Variants in CNTNAP5 observed in about 807,000 individuals in gnomAD.
CNTNAP5 encodes contactin-associated protein-like 5.
A neutral mutation model predicts 150.2 loss-of-function variants in CNTNAP5; 72 were observed. The ratio of observed to expected loss-of-function variants is 0.48; its 90% CI spans 0.40 to 0.58. The LOEUF is 0.58. CNTNAP5 is among the 20% of genes least tolerant of loss of function. The pLI is 0.00. For missense variants in CNTNAP5, 1,636 were observed against 1,626.2 expected, an observed-to-expected ratio of 1.01 and a Z score of -0.10; for synonymous variants, 672 against 619.8, an observed-to-expected ratio of 1.08 and a Z score of -1.25.
chr2:124,488,411 G>A (rs893727132), intron 7 of CNTNAP5, among the ~76,000 whole-genome samples: 3 of 152,106 alleles, frequency 2.0e-5, no homozygotes, highest in African/African-American at 7.2e-5. Flanking sequence ...ATGAGGTTCG[G>A]TAACATTAAA....
chr2:124,420,198 C>T (rs891266648), intron 4 of CNTNAP5, among the ~76,000 whole-genome samples: 2 of 151,562 alleles, frequency 1.3e-5, no homozygotes. Context: ...ACCATGTTGG[C>T]CAGGCTGGTC....
rs138701421 is a variant in CNTNAP5 at position 124,543,844 on chromosome 2, A to G, written c.1649+16388A>G. On this transcript the variant is annotated intron_variant, in intron 10 of 23. Transcript: ENST00000682447. ...TTTAATAAAAAGGAATATAGAAGAT[A>G]TATATTTTTTCTCCTTTGATGTTTT... Among the ~76,000 whole-genome samples, 919 of 152,200 alleles carry G rather than the reference A, an allele frequency of 6.0e-3. 1 individual carries two copies. Among genetic ancestry groups the G allele is most frequent in the Middle Eastern group, 0.027 (8 of 294 alleles).
In CNTNAP5 at chr2:124,536,816, A is replaced by G. The variant is rs1695243136; in HGVS notation, c.1649+9360A>G. Among the ~76,000 whole-genome samples the G allele has an allele frequency of 2.0e-5, 3 of 152,142 alleles. No individual in the cohort carries two copies. The South Asian group carries it at 6.2e-4, about 32-fold the overall frequency. On this transcript the variant is annotated intron_variant, in intron 10 of 23. Transcript: ENST00000682447. ...AAGGGCTCTCATGTGGAGAGTGTAA[A>G]GCTGGGGTTGGGAAGGGCTGCAGTG...
At chr2:124,311,224 G>A (rs997364731) in intron 3 of CNTNAP5, among the ~76,000 whole-genome samples, 13 of 152,006 alleles carry the variant, frequency 8.6e-5, no homozygotes, top group Non-Finnish European at 5.9e-5. Context: ...TGCCATAACA[G>A]AATACCATAG....
At chr2:124,320,709 G>C (rs992594027) in intron 3 of CNTNAP5, among the ~76,000 whole-genome samples, 3 of 152,012 alleles carry the variant, frequency 2.0e-5, no homozygotes, top group Non-Finnish European at 4.4e-5. Flanking sequence ...TAATTAAATT[G>C]TCTGTATTTA....
At chr2:124,410,030 A>C (rs1354063711) in intron 3 of CNTNAP5, among the ~76,000 whole-genome samples, 2 of 151,946 alleles carry the variant, frequency 1.3e-5, no homozygotes, top group Non-Finnish European at 2.9e-5. Context: ...AAAAGGATGG[A>C]GGAAGATCTA....
intron 3 of CNTNAP5, among the ~76,000 whole-genome samples, chr2:124,401,120 C>A (rs746128562): frequency 6.6e-6 from 1 of 152,182 alleles, no homozygotes; most frequent in Non-Finnish European, 1.5e-5. Flanking sequence ...CCTGTCTCGT[C>A]CTGCCAAATT....
At chr2:124,617,491 T>G (rs1449210146) in intron 12 of CNTNAP5, among the ~76,000 whole-genome samples, 1 of 152,160 alleles carries the variant, frequency 6.6e-6, no homozygotes, top group African/African-American at 2.4e-5. Context: ...ATTGCTACCC[T>G]GCCTTCATGT....
intron 1 of CNTNAP5, among the ~76,000 whole-genome samples, chr2:124,207,708 G>A (rs1220108745): frequency 6.6e-6 from 1 of 152,058 alleles, no homozygotes; most frequent in African/African-American, 2.4e-5. Flanking sequence ...TTATTTGATT[G>A]CTAAAGGTTT....
At chr2:124,789,836 C>T (rs894435567) in intron 17 of CNTNAP5, 66 bp from the exon 18 acceptor site, 1 of 1,479,708 alleles carries the variant, frequency 6.8e-7, no homozygotes, top group Non-Finnish European at 9.2e-7. Context: ...CCCATGCCAA[C>T]ATTAAACCTA....
intron 1 of CNTNAP5, among the ~76,000 whole-genome samples, chr2:124,066,532 C>G (rs374787787): frequency 5.3e-5 from 8 of 152,158 alleles, no homozygotes; most frequent in East Asian, 3.9e-4. Flanking sequence ...GAGAAGATAT[C>G]TATTATTGTG....
At chr2:124,354,216 A>G (rs1314094241) in intron 3 of CNTNAP5, among the ~76,000 whole-genome samples, 1 of 152,212 alleles carries the variant, frequency 6.6e-6, no homozygotes, top group Non-Finnish European at 1.5e-5. Flanking sequence ...TTGAGGCAGT[A>G]AAAGACACAA....
intron 21 of CNTNAP5, among the ~76,000 whole-genome samples, chr2:124,896,503 G>C (rs1189639233): frequency 6.6e-6 from 1 of 151,172 alleles, no homozygotes; most frequent in African/African-American, 2.5e-5. Flanking sequence ...CAGCCTAATA[G>C]AATTAAGCAA....
intron 3 of CNTNAP5, among the ~76,000 whole-genome samples, chr2:124,405,126 G>A (rs1691537460): frequency 6.6e-6 from 1 of 152,132 alleles, no homozygotes; most frequent in African/African-American, 2.4e-5. Context: ...TAAATGGAAA[G>A]GACCTGCACT....
chr2:124,674,138 A>C (rs1475854358), intron 13 of CNTNAP5, among the ~76,000 whole-genome samples: 3 of 152,144 alleles, frequency 2.0e-5, no homozygotes, highest in African/African-American at 7.2e-5. Context: ...CTAAAGGTTT[A>C]TCAAATGTTT....
intron 10 of CNTNAP5, among the ~76,000 whole-genome samples, chr2:124,533,937 G>A (rs77084633): frequency 0.016 from 2,488 of 152,238 alleles, 51 homozygotes; most frequent in African/African-American, 0.054. Context: ...CACAGCCTGC[G>A]GGTGGTGGTG....
At chr2:124,530,015 C>A (rs1349185182) in intron 10 of CNTNAP5, among the ~76,000 whole-genome samples, 14 of 152,136 alleles carry the variant, frequency 9.2e-5, no homozygotes, top group Non-Finnish European at 2.9e-5. Flanking sequence ...TATAAGACAT[C>A]TAAAGTAGAA....
chr2:124,331,546 T>C (rs900972251), intron 3 of CNTNAP5, among the ~76,000 whole-genome samples: 1 of 152,012 alleles, frequency 6.6e-6, no homozygotes, highest in Non-Finnish European at 1.5e-5. Flanking sequence ...AAAACTCAGT[T>C]TGAGGTCAAA....
chr2:124,078,761 T>G (rs2104672129), intron 1 of CNTNAP5, among the ~76,000 whole-genome samples: 1 of 152,264 alleles, frequency 6.6e-6, no homozygotes, highest in East Asian at 1.9e-4. Context: ...GTGCAGGTAT[T>G]TTATTTGTGA....
Sources: allele counts gnomAD v4.1 joint callset (sites outside exome capture counted in the v4.1 genomes callset), GRCh38; gene constraint gnomAD v4.1.1; transcripts MANE v1.5; gene names NCBI Gene and HGNC (gene_info 2026-07-23, HGNC 2026-07-21).